The following MSRA variants were observed in gnomAD, a reference collection of about 807,000 sequenced individuals.
MSRA encodes the protein mitochondrial peptide methionine sulfoxide reductase.
A neutral mutation model predicts 31.3 loss-of-function variants in MSRA; 54 were observed. That is an observed-to-expected ratio of 1.73 (90% CI 1.39 to 2.17). The LOEUF is 2.17. Among genes scored for constraint, MSRA ranks in the 30% most tolerant of loss-of-function variants. MSRA has a pLI of 0.00. For missense variants in MSRA, 507 were observed against 300.9 expected, an observed-to-expected ratio of 1.69 and a Z score of -5.07; for synonymous variants, 169 against 116.5, an observed-to-expected ratio of 1.45 and a Z score of -2.90.
intron 3 of MSRA, among the ~76,000 whole-genome samples, chr8:10,265,282 C>T (rs1278940517): frequency 6.6e-6 from 1 of 152,136 alleles, no homozygotes; most frequent in African/African-American, 2.4e-5. Context: ...CTGGAGCAGA[C>T]ATGGAGTCAA....
Position 10,143,130 on chromosome 8 carries a change from G to C in MSRA, c.143-64703G>C, listed in dbSNP as rs981962385. 3.9e-5 allele frequency among the ~76,000 whole-genome samples: 6 copies of C among 152,146 alleles called. 1 individual carries two copies. ...TATCCAAAGAATGGGATGAAAGGAGGATTCCCTGCACCGTCGTTTTGGTTT... is the reference window on the plus strand; with the variant it reads ...TATCCAAAGAATGGGATGAAAGGAGCATTCCCTGCACCGTCGTTTTGGTTT... On this transcript the variant is annotated intron_variant, in intron 1 of 5. Transcript: ENST00000317173.
chr8:10,241,864 A>G (rs1797340419), intron 2 of MSRA, among the ~76,000 whole-genome samples: 1 of 152,262 alleles, frequency 6.6e-6, no homozygotes, highest in African/African-American at 2.4e-5. Context: ...GAATTGCACC[A>G]TGAGAACACA....
intron 5 of MSRA, among the ~76,000 whole-genome samples, chr8:10,408,940 C>T (rs889419387): frequency 1.1e-4 from 17 of 152,234 alleles, no homozygotes; most frequent in African/African-American, 2.9e-4. Flanking sequence ...GGTACATATA[C>T]GCCACATTTT....
At chr8:10,217,993 CCGAA>C (rs1449389179) in intron 2 of MSRA, among the ~76,000 whole-genome samples, 2 of 151,958 alleles carry the variant, frequency 1.3e-5, no homozygotes, top group African/African-American at 4.8e-5. Context: ...TTAGTCTTGA[CCGAA>C]CGATCATGTT....
rs561338329 is a variant in MSRA at position 10,252,292 on chromosome 8, C to T, written c.331+7069C>T. Among the ~76,000 whole-genome samples the T allele has an allele frequency of 1.1e-4, 17 of 152,274 alleles. No individual in the cohort carries two copies. The South Asian group carries it at 3.5e-3, about 32-fold the overall frequency. Reference sequence around the variant, plus strand: ...GTTCGAATCGTACACCCATTCTGCTCCTCTCAGTGAGGTGGACAGTCAAGG... The same window carrying T: ...GTTCGAATCGTACACCCATTCTGCTTCTCTCAGTGAGGTGGACAGTCAAGG... On this transcript the variant is annotated intron_variant, in intron 3 of 5. Coordinates refer to ENST00000317173, the MANE Select transcript of MSRA (RefSeq NM_012331.5).
intron 2 of MSRA, among the ~76,000 whole-genome samples, chr8:10,241,986 A>G (rs1419480978): frequency 6.6e-6 from 1 of 152,162 alleles, no homozygotes; most frequent in Non-Finnish European, 1.5e-5. Flanking sequence ...AATGACTTAA[A>G]GACAGCCGGA....
intron 1 of MSRA, among the ~76,000 whole-genome samples, chr8:10,079,938 C>G (rs1328945657): frequency 2.0e-5 from 3 of 152,186 alleles, no homozygotes; most frequent in Non-Finnish European, 2.9e-5. Flanking sequence ...CCTAGAGGCT[C>G]TTTTTTCCTC....
intron 3 of MSRA, among the ~76,000 whole-genome samples, chr8:10,296,243 A>T (rs1046722832): frequency 6.6e-6 from 1 of 152,208 alleles, no homozygotes; most frequent in African/African-American, 2.4e-5. Flanking sequence ...ACTTACAGAG[A>T]TAAAATTCAG....
intron 5 of MSRA, among the ~76,000 whole-genome samples, chr8:10,325,695 C>G (rs113542403): frequency 6.6e-6 from 1 of 152,296 alleles, no homozygotes; most frequent in African/African-American, 2.4e-5. Flanking sequence ...AGAGGTTGAT[C>G]AGTGCTTTAG....
intron 1 of MSRA, among the ~76,000 whole-genome samples, chr8:10,108,206 T>C (rs1333588730): frequency 6.6e-6 from 1 of 152,228 alleles, no homozygotes; most frequent in Non-Finnish European, 1.5e-5. Context: ...TGTTCTTAAG[T>C]CTCTGTTGCA....
At chr8:10,240,401 G>C (rs555097822) in intron 2 of MSRA, among the ~76,000 whole-genome samples, 1 of 152,140 alleles carries the variant, frequency 6.6e-6, no homozygotes, top group Non-Finnish European at 1.5e-5. Flanking sequence ...CATCCATTAC[G>C]CAGGTACTAG....
At chr8:10,331,261 C>T (rs187100496) in intron 5 of MSRA, among the ~76,000 whole-genome samples, 8 of 152,226 alleles carry the variant, frequency 5.3e-5, no homozygotes, top group Admixed American at 1.3e-4. Context: ...GTGTGCTGCA[C>T]TCCATGGAGC....
chr8:10,058,001 AGAGT>A (rs1361363286), intron 1 of MSRA, among the ~76,000 whole-genome samples: 4 of 152,220 alleles, frequency 2.6e-5, no homozygotes, highest in African/African-American at 4.8e-5. Flanking sequence ...ACCTTTTTAT[AGAGT>A]ATCAGTGGGA....
At chr8:10,114,853 C>A (rs1800563554) in intron 1 of MSRA, among the ~76,000 whole-genome samples, 1 of 151,986 alleles carries the variant, frequency 6.6e-6, no homozygotes, top group African/African-American at 2.4e-5. Flanking sequence ...AGCAGAAATC[C>A]CAGTGAAAAA....
intron 1 of MSRA, among the ~76,000 whole-genome samples, chr8:10,135,054 G>T (rs946066352): frequency 7.9e-5 from 12 of 152,360 alleles, no homozygotes; most frequent in Admixed American, 2.0e-4. Flanking sequence ...AGGTGAAGAG[G>T]AAGCTGGTGT....
chr8:10,056,386 C>T (rs867643889), intron 1 of MSRA, among the ~76,000 whole-genome samples: 8 of 152,002 alleles, frequency 5.3e-5, no homozygotes, highest in Non-Finnish European at 1.2e-4. Context: ...AGAAATGAGC[C>T]AACAATTTTT....
chr8:10,087,341 T>C (rs1414251378), intron 1 of MSRA, among the ~76,000 whole-genome samples: 2 of 151,474 alleles, frequency 1.3e-5, no homozygotes, highest in African/African-American at 4.9e-5. Context: ...GTGTTTATAA[T>C]GATTTGTTTG....
intron 2 of MSRA, among the ~76,000 whole-genome samples, chr8:10,209,842 G>C (rs896528746): frequency 3.3e-5 from 5 of 152,192 alleles, no homozygotes; most frequent in African/African-American, 7.2e-5. Flanking sequence ...TGAATCATGT[G>C]CATAATTTCT....
At chr8:10,183,153 C>G (rs148589999) in intron 1 of MSRA, among the ~76,000 whole-genome samples, 2 of 152,246 alleles carry the variant, frequency 1.3e-5, no homozygotes, top group East Asian at 3.9e-4. Context: ...GCTCTTAGCT[C>G]TTGAGGACTA....
Sources: gnomAD v4.1 joint callset for allele counts (sites outside exome capture counted in the v4.1 genomes callset) on GRCh38, gnomAD v4.1.1 for gene constraint, MANE v1.5 for transcripts, NCBI Gene and HGNC (gene_info 2026-07-23, HGNC 2026-07-21) for gene names.